SMURF1: variants seen among roughly 807,000 people sequenced by gnomAD.
The protein encoded by SMURF1 is E3 ubiquitin-protein ligase SMURF1.
In SMURF1, 44 loss-of-function variants were observed where a neutral mutation model predicts 98.0. That is an observed-to-expected ratio of 0.45 (90% CI 0.35 to 0.58). SMURF1 has a LOEUF of 0.58. SMURF1 is among the 20% of genes least tolerant of loss of function. SMURF1 has a pLI of 0.00. For synonymous variants in SMURF1, 396 were observed against 374.9 expected, an observed-to-expected ratio of 1.06 and a Z score of -0.65; for missense variants, 687 against 938.4, an observed-to-expected ratio of 0.73 and a Z score of 3.50.
chr7:99,104,550 C>T (rs191356793), intron 1 of SMURF1, among the ~76,000 whole-genome samples: 2 of 152,254 alleles, frequency 1.3e-5, no homozygotes. Flanking sequence ...CCTACTTGAT[C>T]GGATTTTTAA....
intron 1 of SMURF1, among the ~76,000 whole-genome samples, chr7:99,142,914 G>A (rs1798162889): frequency 6.8e-6 from 1 of 146,368 alleles, no homozygotes; most frequent in Admixed American, 6.8e-5. Context: ...GAGAGGATGG[G>A]AAGCGAGGAG....
intron 6 of SMURF1, among the ~76,000 whole-genome samples, 159 bp downstream of exon 6, chr7:99,054,631 T>A (rs1272427029): frequency 6.6e-6 from 1 of 152,154 alleles, no homozygotes; most frequent in Non-Finnish European, 1.5e-5. Flanking sequence ...TACAGCTTCC[T>A]TTATAGCCAA....
intron 1 of SMURF1, among the ~76,000 whole-genome samples, chr7:99,085,063 C>G (rs1365701764): frequency 6.6e-6 from 1 of 152,028 alleles, no homozygotes; most frequent in Non-Finnish European, 1.5e-5. Flanking sequence ...TTGAAAGTTT[C>G]CTGGTGGCCG....
chr7:99,034,961 G>A (rs147032916), intron 16 of SMURF1, among the ~76,000 whole-genome samples: 1 of 152,262 alleles, frequency 6.6e-6, no homozygotes, highest in Admixed American at 6.5e-5. Context: ...TTCCAGCAAC[G>A]TACCCTCCAA....
rs1298043083 is a variant in SMURF1 at position 99,029,762 on chromosome 7, G to C, written c.*822C>G. The stretch of plus-strand genomic sequence containing the variant: ...AGAGGTCACAGCTTTGGGACTGACT[G>C]GTTGGCTCTAGGGCTGATTTTGGTC... On this transcript the variant is annotated 3_prime_UTR_variant, in exon 18 of 18. Coordinates refer to ENST00000361368, the MANE Select transcript of SMURF1 (RefSeq NM_181349.3). The C allele has an allele frequency of 1.3e-5, 2 of 152,128 alleles. No individual in the cohort carries two copies. Among genetic ancestry groups the C allele is most frequent in the Non-Finnish European group, 2.9e-5 (2 of 68,062 alleles). The allele number at this position is 152,128 out of a possible 1,614,324, so 9.4% of individuals were successfully genotyped here.
chr7:99,087,334 A>T (rs1254452341), intron 1 of SMURF1, among the ~76,000 whole-genome samples: 1 of 152,142 alleles, frequency 6.6e-6, no homozygotes. Flanking sequence ...TCAATAAGCT[A>T]TGAGTGCACC....
intron 1 of SMURF1, among the ~76,000 whole-genome samples, chr7:99,136,480 G>A (rs904860334): frequency 1.3e-5 from 2 of 152,094 alleles, no homozygotes; most frequent in African/African-American, 4.8e-5. Context: ...GTTTATAAGT[G>A]TTTTTCAGCT....
intron 1 of SMURF1, among the ~76,000 whole-genome samples, chr7:99,066,784 GAAA>G (rs111395590): frequency 3.2e-5 from 3 of 92,558 alleles, no homozygotes; most frequent in Non-Finnish European, 4.7e-5. Context: ...GTCTCAAAAA[GAAA>G]AAAAAAAAAA....
At chr7:99,108,468 C>T (rs1365982818) in intron 1 of SMURF1, among the ~76,000 whole-genome samples, 2 of 150,516 alleles carry the variant, frequency 1.3e-5, no homozygotes, top group Admixed American at 1.3e-4. Flanking sequence ...AAAAATTAAC[C>T]GAGCGTGGTG....
At chr7:99,032,514 C>T (rs1473527289) in intron 17 of SMURF1, among the ~76,000 whole-genome samples, 1 of 152,138 alleles carries the variant, frequency 6.6e-6, no homozygotes, top group Non-Finnish European at 1.5e-5. Context: ...ACTAAAAATA[C>T]AAAAATTAGC....
chr7:99,119,761 T>C (rs1390806088), intron 1 of SMURF1, among the ~76,000 whole-genome samples: 3 of 152,186 alleles, frequency 2.0e-5, no homozygotes, highest in Non-Finnish European at 4.4e-5. Context: ...GTTCTCTATA[T>C]TGAAAGGAGC....
At chr7:99,034,053 C>T (rs1795024964) in intron 16 of SMURF1, among the ~76,000 whole-genome samples, 1 of 152,250 alleles carries the variant, frequency 6.6e-6, no homozygotes, top group Non-Finnish European at 1.5e-5. Context: ...TTATGTTGGG[C>T]AGAGGGTCTC....
intron 1 of SMURF1, among the ~76,000 whole-genome samples, chr7:99,122,010 A>G (rs1797639907): frequency 1.3e-5 from 2 of 152,184 alleles, no homozygotes; most frequent in South Asian, 2.1e-4. Flanking sequence ...CCCAAGGAAA[A>G]GACTACAAGA....
intron 6 of SMURF1, among the ~76,000 whole-genome samples, chr7:99,054,461 C>T (rs775389154): frequency 6.6e-6 from 1 of 152,152 alleles, no homozygotes; most frequent in Non-Finnish European, 1.5e-5. Context: ...CGCCCACCAC[C>T]ACGCCTGGCT....
chr7:99,050,969 C>T (rs1352005357), intron 8 of SMURF1: 1 of 1,551,250 alleles, frequency 6.4e-7, no homozygotes, highest in Admixed American at 2.0e-5. Context: ...AGCTGCATCT[C>T]CCCCAGGAAT....
intron 1 of SMURF1, among the ~76,000 whole-genome samples, chr7:99,122,745 C>CTT (rs373204946): frequency 2.7e-5 from 3 of 112,398 alleles, no homozygotes; most frequent in African/African-American, 7.1e-5. Flanking sequence ...TTCTTTCTTT[C>CTT]TTTTTTTTTT....
intron 1 of SMURF1, among the ~76,000 whole-genome samples, chr7:99,093,023 T>C (rs917335097): frequency 3.3e-5 from 5 of 152,134 alleles, no homozygotes; most frequent in African/African-American, 9.7e-5. Flanking sequence ...CCAGGAACTA[T>C]ACACAGACTA....
At chr7:99,052,082 C>T in intron 7 of SMURF1, 123 bp downstream of exon 7, 1 of 1,355,716 alleles carries the variant, frequency 7.4e-7, no homozygotes, top group Non-Finnish European at 9.7e-7. Context: ...CTGCCGTGAG[C>T]CATGATCATG....
At chr7:99,114,056 G>A (rs1797387338) in intron 1 of SMURF1, among the ~76,000 whole-genome samples, 1 of 151,966 alleles carries the variant, frequency 6.6e-6, no homozygotes, top group Admixed American at 6.6e-5. Context: ...GATATAATCT[G>A]TGACAATAAC....
Sources: allele counts gnomAD v4.1 joint callset (sites outside exome capture counted in the v4.1 genomes callset), GRCh38; gene constraint gnomAD v4.1.1; transcripts MANE v1.5; gene names NCBI Gene and HGNC (gene_info 2026-07-23, HGNC 2026-07-21).